Variants in FAM228B observed in about 807,000 individuals in gnomAD.
FAM228B encodes the protein family with sequence similarity 228 member B.
A neutral mutation model predicts 42.6 loss-of-function variants in FAM228B; 38 were observed. That is an observed-to-expected ratio of 0.89 (90% CI 0.69 to 1.17). The LOEUF is 1.17. Among genes scored for constraint, FAM228B ranks in the 50% most tolerant of loss-of-function variants. The pLI is 0.00. For synonymous variants in FAM228B, 109 were observed against 122.3 expected, an observed-to-expected ratio of 0.89 and a Z score of 0.72; for missense variants, 344 against 367.3, an observed-to-expected ratio of 0.94 and a Z score of 0.52.
At chr2:24,129,295 A>G (rs1573762011) in intron 2 of FAM228B, among the ~76,000 whole-genome samples, 1 of 147,136 alleles carries the variant, frequency 6.8e-6, no homozygotes, top group East Asian at 2.0e-4. Flanking sequence ...CTGTTGTTTC[A>G]TCTATTTTAT....
intron 3 of FAM228B, among the ~76,000 whole-genome samples, chr2:24,114,329 G>A (rs1170361273): frequency 6.6e-6 from 1 of 152,110 alleles, no homozygotes; most frequent in African/African-American, 2.4e-5. Flanking sequence ...CAGGTGCTAG[G>A]GTCTCCGTGG....
At chr2:24,093,809 G>A (rs773459285) in intron 2 of FAM228B, among the ~76,000 whole-genome samples, 2 of 151,736 alleles carry the variant, frequency 1.3e-5, no homozygotes, top group Non-Finnish European at 2.9e-5. Context: ...TAATAGAGAC[G>A]GGTTTCACCA....
In FAM228B at chr2:24,080,684, A is replaced by T. The variant is rs1664957297; in HGVS notation, c.-289-192A>T. The T allele has an allele frequency of 1.1e-6, 1 of 945,442 alleles. No homozygotes were observed. The highest frequency in any genetic ancestry group is 1.6e-5 in the African/African-American group (1 of 60,994). The allele number at this position is 945,442 out of a possible 1,614,324, so 58.6% of individuals were successfully genotyped here. On this transcript the variant is annotated intron_variant, in intron 1 of 10. Coordinates refer to the FAM228B transcript ENST00000613899. This position sits in a 1 kb window ranked among gnomAD's most constrained non-coding sequence, Gnocchi z 4.7. ...TCCAGTGGTCAAATACCATAGTACT[A>T]GAATTTGGCCAGGGCAGCTGTTGTG...
chr2:24,149,581 T>C (rs888971330), intron 7 of FAM228B, among the ~76,000 whole-genome samples: 2 of 152,100 alleles, frequency 1.3e-5, no homozygotes, highest in Non-Finnish European at 2.9e-5. Flanking sequence ...TACAGGCACA[T>C]GCCACCACAC....
intron 2 of FAM228B, among the ~76,000 whole-genome samples, chr2:24,085,474 A>G (rs754157958): frequency 6.6e-6 from 1 of 152,142 alleles, no homozygotes; most frequent in Non-Finnish European, 1.5e-5. Flanking sequence ...CCCACTACAT[A>G]TCCGTAGCAC....
chr2:24,077,707 TGGA>T lies in FAM228B; in HGVS notation c.-290+740_-290+742del. 6.2e-7 allele frequency: 1 copy of T among 1,614,066 alleles called. No homozygotes were observed. Among genetic ancestry groups the T allele is most frequent in the Admixed American group, 1.7e-5 (1 of 60,004 alleles). On this transcript the variant is annotated intron_variant, in intron 1 of 10. Coordinates refer to the FAM228B transcript ENST00000613899. This position sits in a 1 kb window ranked among gnomAD's most constrained non-coding sequence, Gnocchi z 5.5. ...GGCAGCAGACGTTGGGGGCCCTCCGTGGAGAAGTGAGGCAGAATTTGCTCCGTG... is the reference window on the plus strand; with the variant it reads ...GGCAGCAGACGTTGGGGGCCCTCCGTGAAGTGAGGCAGAATTTGCTCCGTG...
At chr2:24,124,610 C>T in intron 2 of FAM228B, 150 bp downstream of exon 2, 1 of 567,260 alleles carries the variant, frequency 1.8e-6, no homozygotes, top group East Asian at 3.0e-5. Context: ...TTTGTATATT[C>T]ACTTTGCTGT....
chr2:24,082,035 C>T (rs1045883503), intron 2 of FAM228B, among the ~76,000 whole-genome samples: 1 of 152,096 alleles, frequency 6.6e-6, no homozygotes, highest in African/African-American at 2.4e-5. Flanking sequence ...CACTCTACTG[C>T]CCAGGCTGGA....
intron 3 of FAM228B, among the ~76,000 whole-genome samples, chr2:24,100,482 C>T (rs1301275430): frequency 6.6e-6 from 1 of 152,222 alleles, no homozygotes; most frequent in Non-Finnish European, 1.5e-5. Context: ...CAAAAGAAGA[C>T]ATCCATGCAG....
intron 2 of FAM228B, among the ~76,000 whole-genome samples, chr2:24,130,637 G>T (rs1170736787): frequency 6.6e-6 from 1 of 151,722 alleles, no homozygotes; most frequent in Non-Finnish European, 1.5e-5. Flanking sequence ...CATATCCTTT[G>T]CCCACTTTTT....
At chr2:24,083,259 T>C in intron 2 of FAM228B, 1 of 1,433,794 alleles carries the variant, frequency 7.0e-7, no homozygotes, top group Non-Finnish European at 9.4e-7. Flanking sequence ...AAAAATAAAT[T>C]TCAGAATGAA....
intron 2 of FAM228B, among the ~76,000 whole-genome samples, chr2:24,125,494 G>T (rs77419600): frequency 6.6e-6 from 1 of 152,100 alleles, no homozygotes; most frequent in Non-Finnish European, 1.5e-5. Context: ...ATATTCTGTT[G>T]TAATCCCTCC....
At chr2:24,164,439 G>T in intron 9 of FAM228B, 104 bp downstream of exon 9, 1 of 1,278,988 alleles carries the variant, frequency 7.8e-7, no homozygotes, top group Non-Finnish European at 1.0e-6. Flanking sequence ...CTTCCAGGAA[G>T]AGAGGAGGCA....
chr2:24,169,352 A>C lies in FAM228B; in HGVS notation c.*15-4A>C. The C allele has an allele frequency of 2.1e-6, 1 of 467,910 alleles. No individual in the cohort carries two copies. Among genetic ancestry groups the C allele is most frequent in the South Asian group, 1.6e-5 (1 of 64,320 alleles). The allele number at this position is 467,910 out of a possible 1,614,324, so 29.0% of individuals were successfully genotyped here. A position where few individuals can be genotyped will look rare whatever the true frequency, so the allele number is the denominator to read the frequency against. ...CAACTCTTCCCTTTTGTCACCTTCA[A>C]AAGGTTTCAGCAACCAAGGAGCACA... On this transcript the variant is annotated splice_polypyrimidine_tract_variant and splice_region_variant and intron_variant, in intron 10 of 10. Coordinates refer to ENST00000615575, the MANE Select transcript of FAM228B (RefSeq NM_001145710.2). The surrounding 1 kb of genome is among the most constrained non-coding windows in gnomAD (Gnocchi z 4.2).
intron 9 of FAM228B, 140 bp from the exon 10 acceptor site, chr2:24,167,487 G>GTTC: frequency 9.7e-7 from 1 of 1,025,914 alleles, no homozygotes; most frequent in Non-Finnish European, 1.4e-6. Context: ...ATTTAAACCT[G>GTTC]TTCTGTTGGG....
chr2:24,146,683 A>G, intron 5 of FAM228B, 65 bp from the exon 6 acceptor site: 1 of 1,138,232 alleles, frequency 8.8e-7, no homozygotes. Flanking sequence ...GATGCTTAGA[A>G]TAGACTGAAA....
Position 24,077,554 on chromosome 2 carries a change from G to A in FAM228B, c.-290+585G>A, listed in dbSNP as rs149890387. 2.0e-4 allele frequency: 323 copies of A among 1,594,944 alleles called. No individual in the cohort carries two copies. The African/African-American group carries it at 3.4e-3, about 17-fold the overall frequency. The stretch of plus-strand genomic sequence containing the variant: ...TGCTCTGGAAAGGCCTGGGGTGGCC[G>A]CGTCCTGTCCTGCCCCATCCTCCTT... On this transcript the variant is annotated intron_variant, in intron 1 of 10. Transcript: ENST00000613899. This position sits in a 1 kb window ranked among gnomAD's most constrained non-coding sequence, Gnocchi z 5.5.
chr2:24,091,549 A>T (rs1419366874), intron 2 of FAM228B, among the ~76,000 whole-genome samples: 1 of 152,262 alleles, frequency 6.6e-6, no homozygotes, highest in Non-Finnish European at 1.5e-5. Context: ...AGCTGTCCAG[A>T]TGAAAGCTAC....
chr2:24,084,484 G>T lies in FAM228B; in HGVS notation c.-210+3529G>T. On this transcript the variant is annotated intron_variant, in intron 2 of 10. Coordinates refer to the FAM228B transcript ENST00000613899. This position sits in a 1 kb window ranked among gnomAD's most constrained non-coding sequence, Gnocchi z 8.4. ...GCACCGCAGCGCCCCCTGCCGGCCA[G>T]CGCCTCGCTGCCCTGGTCTGCCGCG... The T allele has an allele frequency of 1.0e-6, 1 of 988,118 alleles. No individual in the cohort carries two copies. Among genetic ancestry groups the T allele is most frequent in the East Asian group, 3.1e-5 (1 of 32,422 alleles). 61.2% of individuals were successfully genotyped at this position (988,118 alleles called of 1,614,324 possible).
Sources: gnomAD v4.1 joint callset for allele counts (sites outside exome capture counted in the v4.1 genomes callset) on GRCh38, gnomAD v4.1.1 for gene constraint, Gnocchi (gnomAD v3.1) non-coding constraint, MANE v1.5 for transcripts, NCBI Gene and HGNC (gene_info 2026-07-23, HGNC 2026-07-21) for gene names.